ZHX2: variants seen among roughly 807,000 people sequenced by gnomAD.
ZHX2 encodes the protein zinc fingers and homeoboxes protein 2.
A neutral mutation model predicts 21.9 loss-of-function variants in ZHX2; 6 were observed. The observed-to-expected ratio is 0.27, with a 90% CI of 0.15 to 0.54. The LOEUF (loss-of-function observed/expected upper bound fraction) is 0.54. Ranked by LOEUF, ZHX2 falls within the 20% of genes least tolerant of loss-of-function variation. The pLI, the probability that ZHX2 is intolerant of heterozygous loss-of-function variation, is 0.95. For synonymous variants in ZHX2, 434 were observed against 437.1 expected (o/e 0.99, Z 0.09); for missense variants, 908 against 1,090.7 (o/e 0.83, Z 2.36).
At chr8:122,857,806 A>T (rs1227276020) in intron 1 of ZHX2, among the ~76,000 whole-genome samples, 1 of 152,058 alleles carries the variant, frequency 6.6e-6, no homozygotes, top group Non-Finnish European at 1.5e-5. Context: ...TAGAATGGGT[A>T]TGTGAATGCC....
chr8:122,842,750 A>G (rs1012799577), intron 1 of ZHX2, among the ~76,000 whole-genome samples: 1 of 152,012 alleles, frequency 6.6e-6, no homozygotes, highest in Non-Finnish European at 1.5e-5. Context: ...CCCAGAACCT[A>G]AAGCCTCCAA....
intron 3 of ZHX2, among the ~76,000 whole-genome samples, chr8:122,963,335 C>T (rs1813503154): frequency 6.6e-6 from 1 of 152,188 alleles, no homozygotes; most frequent in African/African-American, 2.4e-5. Context: ...CATTCTTCTA[C>T]ATGAGGCTAG....
chr8:122,925,197 T>C (rs1027371654), intron 2 of ZHX2, among the ~76,000 whole-genome samples: 1 of 152,236 alleles, frequency 6.6e-6, no homozygotes, highest in Admixed American at 6.5e-5. Context: ...GTTACACAGT[T>C]GTGGCATGAA....
At chr8:122,941,000 CA>C (rs1206197767) in intron 2 of ZHX2, among the ~76,000 whole-genome samples, 1 of 149,068 alleles carries the variant, frequency 6.7e-6, no homozygotes, top group Non-Finnish European at 1.5e-5. Context: ...GAGGCTGAGG[CA>C]GGGGGATCAC....
At chr8:122,903,994 A>G (rs947550576) in intron 2 of ZHX2, among the ~76,000 whole-genome samples, 3 of 152,160 alleles carry the variant, frequency 2.0e-5, no homozygotes, top group Non-Finnish European at 2.9e-5. Context: ...TGAAAAGTGG[A>G]AGGAAGAAGG....
At chr8:122,842,869 A>T (rs1779545624) in intron 1 of ZHX2, among the ~76,000 whole-genome samples, 1 of 152,242 alleles carries the variant, frequency 6.6e-6, no homozygotes, top group African/African-American at 2.4e-5. Flanking sequence ...TCTCAAACTC[A>T]GTGGGCACTG....
At chr8:122,885,619 C>T (rs1305045198) in intron 2 of ZHX2, among the ~76,000 whole-genome samples, 3 of 152,100 alleles carry the variant, frequency 2.0e-5, no homozygotes, top group Non-Finnish European at 4.4e-5. Flanking sequence ...CATTGGGCAA[C>T]GTCTAGAGAC....
intron 1 of ZHX2, among the ~76,000 whole-genome samples, chr8:122,851,434 C>T (rs1414100285): frequency 6.6e-6 from 1 of 152,008 alleles, no homozygotes; most frequent in Non-Finnish European, 1.5e-5. Flanking sequence ...AAAAGATACC[C>T]CCTGCAGGAG....
At chr8:122,816,665 G>A (rs1187321120) in intron 1 of ZHX2, 2 of 151,564 alleles carry the variant, frequency 1.3e-5, no homozygotes, top group African/African-American at 4.8e-5. Flanking sequence ...CAAAACGAAA[G>A]TGCCTAGGGC....
intron 2 of ZHX2, among the ~76,000 whole-genome samples, chr8:122,894,567 G>T (rs1273316976): frequency 6.6e-6 from 1 of 152,158 alleles, no homozygotes; most frequent in Non-Finnish European, 1.5e-5. Flanking sequence ...AACACTGCAT[G>T]TTCTCACTCA....
intron 1 of ZHX2, among the ~76,000 whole-genome samples, chr8:122,800,764 G>A (rs1053630879): frequency 5.9e-5 from 9 of 151,574 alleles, no homozygotes; most frequent in African/African-American, 2.2e-4. Flanking sequence ...GGGGCAGAGA[G>A]AGAGAGAGAG....
chr8:122,949,000 G>A (rs4870829), intron 2 of ZHX2, among the ~76,000 whole-genome samples: 2,165 of 152,192 alleles, frequency 0.014, 45 homozygotes, highest in Admixed American at 0.057. Context: ...CATGTTAAAC[G>A]TTAAAAAATA....
At position 122,856,713 on chromosome 8, in the gene ZHX2, C is replaced by T. The variant is rs554853939; in HGVS notation, c.-282-6764C>T. Among the ~76,000 whole-genome samples, 6 of 152,296 alleles carry T rather than the reference C, an allele frequency of 3.9e-5. No individual in the cohort carries two copies. In the South Asian group the frequency reaches 1.2e-3, roughly 32 times the overall value. ...TGGGAGAATGTTTCCCTCAACGAAT[C>T]AGATCGCCCTATGGTGGCCCTTCTA... is the stretch of plus-strand genomic sequence containing the variant. On this transcript the variant is annotated intron_variant, in intron 1 of 3. Transcript: ENST00000314393.
intron 1 of ZHX2, among the ~76,000 whole-genome samples, chr8:122,848,730 A>G (rs79396775): frequency 0.027 from 4,116 of 152,274 alleles, 202 homozygotes; most frequent in African/African-American, 0.094. Context: ...GGAATGGACA[A>G]TCGCTGTTTC....
At chr8:122,803,956 G>A (rs745542050) in intron 1 of ZHX2, among the ~76,000 whole-genome samples, 5 of 152,118 alleles carry the variant, frequency 3.3e-5, no homozygotes, top group Non-Finnish European at 7.3e-5. Flanking sequence ...GGCCAGGGCG[G>A]GCTTTGATCA....
intron 3 of ZHX2, among the ~76,000 whole-genome samples, chr8:122,958,713 C>T (rs1813367819): frequency 6.6e-6 from 1 of 152,252 alleles, no homozygotes; most frequent in Non-Finnish European, 1.5e-5. Context: ...CACTATGGCC[C>T]TGCCCTCTCC....
At chr8:122,887,899 C>T (rs1160461045) in intron 2 of ZHX2, among the ~76,000 whole-genome samples, 7 of 152,118 alleles carry the variant, frequency 4.6e-5, no homozygotes, top group Non-Finnish European at 5.9e-5. Flanking sequence ...GGCCAGGGCT[C>T]ATCAGGGGAC....
intron 2 of ZHX2, among the ~76,000 whole-genome samples, chr8:122,949,050 C>G (rs985871667): frequency 6.6e-6 from 1 of 152,172 alleles, no homozygotes; most frequent in Admixed American, 6.5e-5. Context: ...TAGGGCCAGA[C>G]GCAGTGGCTC....
rs370271822 is a variant in ZHX2, at chr8:122,858,620, CTTTT to C, written c.-282-4851_-282-4848del. On this transcript the variant is annotated intron_variant, in intron 1 of 3. Transcript: ENST00000314393. ...AAAGCCCTGTGATTCAGGTTAACTC[CTTTT>C]TTTTTCTTTCTTTCTTTTTTTTTTT... Among the ~76,000 whole-genome samples, 118 of 147,166 alleles carry C rather than the reference CTTTT, an allele frequency of 8.0e-4. 1 individual carries two copies. Among genetic ancestry groups the C allele is most frequent in the African/African-American group, 2.8e-3 (112 of 39,944 alleles).
Sources: gnomAD v4.1 joint callset for allele counts (sites outside exome capture counted in the v4.1 genomes callset) on GRCh38, gnomAD v4.1.1 for gene constraint, MANE v1.5 for transcripts, NCBI Gene and HGNC (gene_info 2026-07-23, HGNC 2026-07-21) for gene names.